NLGN1: variants seen among roughly 807,000 people sequenced by gnomAD.
NLGN1 encodes the protein neuroligin 1, also known as neuroligin-1.
A neutral mutation model predicts 65.5 loss-of-function variants in NLGN1; 12 were observed. The observed-to-expected ratio is 0.18, with a 90% CI of 0.12 to 0.30. The LOEUF (loss-of-function observed/expected upper bound fraction) is 0.30, where lower values mean the gene tolerates loss of function less well. Ranked by LOEUF, NLGN1 falls within the 10% of genes least tolerant of loss-of-function variation. The pLI, the probability that NLGN1 is intolerant of heterozygous loss-of-function variation, is 1.00. For missense variants in NLGN1, 750 were observed against 1,007.1 expected (o/e 0.74, Z 3.46); for synonymous variants, 350 against 359.5 (o/e 0.97, Z 0.30).
intron 3 of NLGN1, among the ~76,000 whole-genome samples, chr3:173,627,316 T>C (rs1431172638): frequency 6.6e-6 from 1 of 152,168 alleles, no homozygotes; most frequent in Non-Finnish European, 1.5e-5. Context: ...TGTCTTTCTG[T>C]GCTTTGCTTA....
intron 2 of NLGN1, among the ~76,000 whole-genome samples, chr3:173,518,995 C>T (rs1734318280): frequency 6.6e-6 from 1 of 152,134 alleles, no homozygotes; most frequent in Non-Finnish European, 1.5e-5. Context: ...CTGTCCTGCA[C>T]AGCCTCAGAA....
chr3:173,515,307 C>A (rs1339914817), intron 2 of NLGN1, among the ~76,000 whole-genome samples: 3 of 152,030 alleles, frequency 2.0e-5, no homozygotes, highest in Admixed American at 6.6e-5. Flanking sequence ...GGAAAAATGT[C>A]TATTCAAGGT....
intron 4 of NLGN1, among the ~76,000 whole-genome samples, chr3:174,196,899 C>T (rs530170465): frequency 1.3e-5 from 2 of 152,124 alleles, no homozygotes; most frequent in South Asian, 4.1e-4. Flanking sequence ...CATTATTATC[C>T]CCAATAGTAA....
intron 2 of NLGN1, among the ~76,000 whole-genome samples, chr3:173,591,643 C>T (rs995742432): frequency 5.9e-5 from 9 of 152,212 alleles, no homozygotes; most frequent in African/African-American, 1.7e-4. Flanking sequence ...AAACTTAGCA[C>T]TGCCTCTGCC....
intron 4 of NLGN1, among the ~76,000 whole-genome samples, chr3:174,056,793 T>C (rs79270264): frequency 0.025 from 3,842 of 152,178 alleles, 65 homozygotes; most frequent in African/African-American, 0.031. Context: ...AGAAGCCTTG[T>C]CACTTATTAC....
chr3:173,786,309 GT>G (rs1416741773), intron 3 of NLGN1, among the ~76,000 whole-genome samples: 1 of 152,054 alleles, frequency 6.6e-6, no homozygotes, highest in East Asian at 1.9e-4. Flanking sequence ...TATGTGTTCA[GT>G]TTTCTTTCCT....
chr3:173,604,748 T>C, exon 3 of NLGN1: 1 of 1,613,778 alleles, frequency 6.2e-7, no homozygotes, highest in East Asian at 2.2e-5. Flanking sequence ...AATTGGATGA[T>C]GTGGACCCAC....
At chr3:174,134,455 A>G (rs1217838533) in intron 4 of NLGN1, among the ~76,000 whole-genome samples, 1 of 152,190 alleles carries the variant, frequency 6.6e-6, no homozygotes, top group African/African-American at 2.4e-5. Context: ...TTTAAATTAT[A>G]TCTGCATTTA....
intron 4 of NLGN1, among the ~76,000 whole-genome samples, chr3:173,884,939 AG>A (rs1403185077): frequency 1.3e-5 from 2 of 152,102 alleles, no homozygotes; most frequent in Non-Finnish European, 2.9e-5. Context: ...GGCCACAGAG[AG>A]GTAAAGAAGG....
At chr3:173,730,331 C>CG (rs537025777) in intron 3 of NLGN1, among the ~76,000 whole-genome samples, 4,363 of 130,794 alleles carry the variant, frequency 0.033, 349 homozygotes, top group African/African-American at 0.057. Flanking sequence ...CTCCCCCCCC[C>CG]CCGCAAAAAT....
chr3:173,451,504 G>A (rs1431840421), intron 2 of NLGN1, among the ~76,000 whole-genome samples: 1 of 152,196 alleles, frequency 6.6e-6, no homozygotes, highest in Non-Finnish European at 1.5e-5. Flanking sequence ...CTACTCGGGG[G>A]TCAGGGACCC....
At chr3:173,888,196 G>A (rs1041204847) in intron 4 of NLGN1, among the ~76,000 whole-genome samples, 3 of 151,846 alleles carry the variant, frequency 2.0e-5, no homozygotes, top group African/African-American at 7.3e-5. Flanking sequence ...ATAATAGATA[G>A]CTTAAAGCAC....
chr3:173,933,261 T>C (rs1484426172), intron 4 of NLGN1, among the ~76,000 whole-genome samples: 3 of 150,844 alleles, frequency 2.0e-5, no homozygotes, highest in East Asian at 3.9e-4. Flanking sequence ...AGAGAGGAGG[T>C]AGAAAAGTAA....
chr3:173,470,689 A>G (rs979462394), intron 2 of NLGN1, among the ~76,000 whole-genome samples: 11 of 152,178 alleles, frequency 7.2e-5, no homozygotes, highest in African/African-American at 2.4e-4. Flanking sequence ...TCTTTGGTAG[A>G]TAGAAAGCAC....
intron 4 of NLGN1, among the ~76,000 whole-genome samples, chr3:173,961,622 C>A (rs1713579647): frequency 6.6e-6 from 1 of 151,922 alleles, no homozygotes; most frequent in South Asian, 2.1e-4. Flanking sequence ...GGGTATAACT[C>A]TGTGTAATCT....
At chr3:174,220,210 C>T (rs2152804566) in intron 4 of NLGN1, among the ~76,000 whole-genome samples, 1 of 152,160 alleles carries the variant, frequency 6.6e-6, no homozygotes. Flanking sequence ...AAGGATGGCA[C>T]TAGACAAAGT....
intron 3 of NLGN1, among the ~76,000 whole-genome samples, chr3:173,606,937 T>C (rs934141880): frequency 3.3e-5 from 5 of 152,000 alleles, no homozygotes; most frequent in South Asian, 2.1e-4. Flanking sequence ...GCAGTAGTTA[T>C]TATGATGCAG....
chr3:173,636,120 A>C (rs1440435305), intron 3 of NLGN1, among the ~76,000 whole-genome samples: 1 of 152,116 alleles, frequency 6.6e-6, no homozygotes, highest in Non-Finnish European at 1.5e-5. Context: ...GAACTTAACG[A>C]TGGTATTTAT....
chr3:174,134,483 A>C (rs1052444888), intron 4 of NLGN1, among the ~76,000 whole-genome samples: 1 of 152,186 alleles, frequency 6.6e-6, no homozygotes, highest in African/African-American at 2.4e-5. Flanking sequence ...ACGGATGAAA[A>C]AAAGTCTGTG....
Sources: allele counts gnomAD v4.1 joint callset (sites outside exome capture counted in the v4.1 genomes callset), GRCh38; gene constraint gnomAD v4.1.1; transcripts MANE v1.5; gene names NCBI Gene and HGNC (gene_info 2026-07-23, HGNC 2026-07-21).